The following SPOCK1 variants were observed in gnomAD, a reference collection of about 807,000 sequenced individuals.
SPOCK1 encodes the protein testican-1.
Under a neutral mutation model 55.3 loss-of-function variants are expected in SPOCK1, and 23 were observed. The ratio of observed to expected loss-of-function variants is 0.42; its 90% CI spans 0.30 to 0.59. SPOCK1 has a LOEUF of 0.59. SPOCK1 is among the 20% of genes least tolerant of loss of function. The pLI is 0.22. For missense variants in SPOCK1, 499 were observed against 552.5 expected, an observed-to-expected ratio of 0.90 and a Z score of 0.97; for synonymous variants, 226 against 221.0, an observed-to-expected ratio of 1.02 and a Z score of -0.20.
intron 3 of SPOCK1, among the ~76,000 whole-genome samples, chr5:137,220,594 C>T (rs1755829117): frequency 6.6e-6 from 1 of 152,192 alleles, no homozygotes; most frequent in South Asian, 2.1e-4. Flanking sequence ...TGAGTCTAGT[C>T]TCCTAACCAC....
At chr5:137,332,756 C>T (rs1183373705) in intron 2 of SPOCK1, among the ~76,000 whole-genome samples, 3 of 151,676 alleles carry the variant, frequency 2.0e-5, no homozygotes, top group Non-Finnish European at 4.4e-5. Flanking sequence ...TCCAAAAGGC[C>T]GAGAAGCAAC....
At chr5:137,408,805 C>T (rs1297011352) in intron 2 of SPOCK1, among the ~76,000 whole-genome samples, 1 of 152,214 alleles carries the variant, frequency 6.6e-6, no homozygotes, top group Non-Finnish European at 1.5e-5. Flanking sequence ...ATGAGACAGA[C>T]CAGGAGCAGC....
At chr5:137,119,482 T>C (rs572550891) in intron 4 of SPOCK1, among the ~76,000 whole-genome samples, 73 of 152,232 alleles carry the variant, frequency 4.8e-4, no homozygotes, top group Non-Finnish European at 7.2e-4. Context: ...ATGGCCTGTG[T>C]CATTTACAAA....
At chr5:137,327,456 C>T (rs1758100316) in intron 2 of SPOCK1, among the ~76,000 whole-genome samples, 1 of 151,874 alleles carries the variant, frequency 6.6e-6, no homozygotes, top group African/African-American at 2.4e-5. Context: ...GTTAAATATC[C>T]CTGTGGCACT....
At chr5:137,112,212 C>T (rs1485658255) in intron 5 of SPOCK1, among the ~76,000 whole-genome samples, 1 of 152,150 alleles carries the variant, frequency 6.6e-6, no homozygotes, top group Non-Finnish European at 1.5e-5. Context: ...AGAACCATCC[C>T]TTCTTCTTCC....
chr5:137,081,525 C>T (rs1752877599), intron 5 of SPOCK1, among the ~76,000 whole-genome samples: 1 of 152,212 alleles, frequency 6.6e-6, no homozygotes, highest in Non-Finnish European at 1.5e-5. Context: ...TTTACTTCTG[C>T]ACTTCAGCCC....
chr5:137,144,424 T>C (rs1043550502), intron 3 of SPOCK1, among the ~76,000 whole-genome samples: 4 of 152,238 alleles, frequency 2.6e-5, no homozygotes, highest in African/African-American at 7.2e-5. Flanking sequence ...AAATCAAGTC[T>C]GCTAAAAATC....
At chr5:137,329,247 T>C (rs1758129516) in intron 2 of SPOCK1, among the ~76,000 whole-genome samples, 1 of 152,084 alleles carries the variant, frequency 6.6e-6, no homozygotes, top group Non-Finnish European at 1.5e-5. Context: ...ATAGGCTCTT[T>C]TTGGGCCTTG....
intron 2 of SPOCK1, among the ~76,000 whole-genome samples, chr5:137,449,470 C>T (rs1450484049): frequency 2.0e-5 from 3 of 152,122 alleles, no homozygotes; most frequent in African/African-American, 4.8e-5. Context: ...GTTTCCATGG[C>T]CAGCAAAGAG....
At chr5:137,245,568 T>C (rs1297322099) in intron 3 of SPOCK1, among the ~76,000 whole-genome samples, 2 of 151,712 alleles carry the variant, frequency 1.3e-5, no homozygotes, top group East Asian at 3.9e-4. Context: ...CTTAGCAGAG[T>C]CAGAAAAGCA....
At chr5:137,247,968 T>C (rs1271336193) in intron 3 of SPOCK1, among the ~76,000 whole-genome samples, 1 of 152,046 alleles carries the variant, frequency 6.6e-6, no homozygotes, top group Non-Finnish European at 1.5e-5. Flanking sequence ...CATCGAAACA[T>C]TGGGGATCAA....
At chr5:137,111,231 G>T (rs1436295316) in intron 5 of SPOCK1, among the ~76,000 whole-genome samples, 1 of 152,040 alleles carries the variant, frequency 6.6e-6, no homozygotes, top group Non-Finnish European at 1.5e-5. Context: ...TCTGTGCAGT[G>T]GGAGCATGAC....
intron 3 of SPOCK1, among the ~76,000 whole-genome samples, chr5:137,245,524 A>G (rs1267454318): frequency 1.3e-5 from 2 of 152,258 alleles, no homozygotes; most frequent in Non-Finnish European, 2.9e-5. Flanking sequence ...CTTAAAAATG[A>G]AAGCAAAATT....
At chr5:137,242,861 C>T (rs1056088168) in intron 3 of SPOCK1, among the ~76,000 whole-genome samples, 5 of 152,170 alleles carry the variant, frequency 3.3e-5, no homozygotes, top group African/African-American at 1.2e-4. Flanking sequence ...TTGTGTATAA[C>T]ATGTTCATAT....
chr5:137,104,409 C>A (rs892455442), intron 5 of SPOCK1, among the ~76,000 whole-genome samples: 10 of 152,230 alleles, frequency 6.6e-5, no homozygotes, highest in African/African-American at 2.4e-4. Flanking sequence ...AAATAAATTA[C>A]CCAGTCTCAG....
chr5:137,310,211 G>T (rs1025299947), intron 2 of SPOCK1, among the ~76,000 whole-genome samples: 1 of 151,870 alleles, frequency 6.6e-6, no homozygotes, highest in Non-Finnish European at 1.5e-5. Context: ...ATGAGAAAAC[G>T]TAGGCGCAAA....
intron 5 of SPOCK1, among the ~76,000 whole-genome samples, chr5:137,096,165 A>G (rs955196694): frequency 6.6e-6 from 1 of 152,148 alleles, no homozygotes; most frequent in South Asian, 2.1e-4. Flanking sequence ...CCCCATCCTC[A>G]GCCCCCCAAG....
intron 3 of SPOCK1, among the ~76,000 whole-genome samples, chr5:137,208,843 AC>A (rs1376584447): frequency 2.0e-5 from 3 of 152,128 alleles, no homozygotes; most frequent in African/African-American, 7.2e-5. Flanking sequence ...CTGCACATGT[AC>A]CCCCTGAATC....
intron 2 of SPOCK1, among the ~76,000 whole-genome samples, chr5:137,497,665 C>G (rs768784688): frequency 6.6e-5 from 10 of 152,164 alleles, no homozygotes; most frequent in African/African-American, 2.4e-4. Flanking sequence ...TTCTGCGTGT[C>G]CGGGAGTAAC....
Sources: allele counts gnomAD v4.1 joint callset (sites outside exome capture counted in the v4.1 genomes callset), GRCh38; gene constraint gnomAD v4.1.1; transcripts MANE v1.5; gene names NCBI Gene and HGNC (gene_info 2026-07-23, HGNC 2026-07-21).